Variants in ARHGAP15 observed in about 807,000 individuals in gnomAD.
ARHGAP15 encodes the protein Rho GTPase activating protein 15.
In ARHGAP15, 51 loss-of-function variants were observed where a neutral mutation model predicts 63.7. The observed-to-expected ratio is 0.80, with a 90% CI of 0.64 to 1.01. The LOEUF (loss-of-function observed/expected upper bound fraction) is 1.01, where lower values mean the gene tolerates loss of function less well. Ranked by LOEUF, ARHGAP15 falls within the 50% of genes least tolerant of loss-of-function variation. The pLI, the probability that ARHGAP15 is intolerant of heterozygous loss-of-function variation, is 0.00. For synonymous variants in ARHGAP15, 191 were observed against 193.8 expected (o/e 0.99, Z 0.12); for missense variants, 560 against 564.6 (o/e 0.99, Z 0.08).
At chr2:143,661,699 A>C (rs988696956) in intron 12 of ARHGAP15, among the ~76,000 whole-genome samples, 20 of 152,184 alleles carry the variant, frequency 1.3e-4, no homozygotes, top group Non-Finnish European at 2.2e-4. Context: ...GACAGTGGGC[A>C]CAGGTCAGTG....
chr2:143,326,903 G>A (rs1684276931), intron 6 of ARHGAP15, among the ~76,000 whole-genome samples: 1 of 152,198 alleles, frequency 6.6e-6, no homozygotes, highest in Admixed American at 6.5e-5. Flanking sequence ...AGTGCTGGAA[G>A]TTCTGGGCCA....
chr2:143,149,982 T>C (rs1689750971), intron 1 of ARHGAP15, among the ~76,000 whole-genome samples: 1 of 152,042 alleles, frequency 6.6e-6, no homozygotes, highest in Admixed American at 6.6e-5. Context: ...CATTTCTTGT[T>C]ACCTTTTCTT....
At chr2:143,628,798 T>TAAA (rs1327854969) in intron 12 of ARHGAP15, among the ~76,000 whole-genome samples, 1 of 152,224 alleles carries the variant, frequency 6.6e-6, no homozygotes, top group Non-Finnish European at 1.5e-5. Flanking sequence ...TGTAAATACT[T>TAAA]AAAATGGTTT....
rs1182116439 is a variant in ARHGAP15 at position 143,562,738 on chromosome 2, C to A, written c.1003+6253C>A. ...TTCAGCTACATTGAGTCAGGGAGCT[C>A]AAAGACTATTGATGAAGCATGTATT... On this transcript the variant is annotated intron_variant, in intron 11 of 13. Coordinates refer to ENST00000295095, the MANE Select transcript of ARHGAP15 (RefSeq NM_018460.4). Among the ~76,000 whole-genome samples the A allele has an allele frequency of 2.6e-5, 4 of 152,094 alleles. No homozygotes were observed. The East Asian group carries it at 7.7e-4, about 29-fold the overall frequency.
At chr2:143,719,702 T>G (rs1684964552) in intron 13 of ARHGAP15, among the ~76,000 whole-genome samples, 1 of 152,206 alleles carries the variant, frequency 6.6e-6, no homozygotes, top group Admixed American at 6.5e-5. Flanking sequence ...TTGAGGCATT[T>G]TACTGCTAGT....
chr2:143,673,758 G>GTGTGTGTGTGTATATA (rs1553520615), intron 12 of ARHGAP15, among the ~76,000 whole-genome samples: 3 of 22,116 alleles, frequency 1.4e-4, no homozygotes, highest in African/African-American at 1.6e-4. Flanking sequence ...GTGTGTGTGT[G>GTGTGTGTGTGTATATA]TATATATATA....
Position 143,624,184 on chromosome 2 carries a change from C to G in ARHGAP15, c.1055C>G (p.Thr352Ser), listed in dbSNP as rs759021554. ...DSQWEDIHVV[T>S]GALKMFFREL... ...CAGTGGGAGGACATCCACGTTGTCA[C>G]CGGAGCACTGAAGATGTTTTTCCGG... is the stretch of plus-strand genomic sequence containing the variant. Residue 352 changes from threonine (T) to serine (S), a missense_variant, in exon 12 of 14, where the codon ACC becomes AGC. Transcript: ENST00000295095. 15 of 1,613,672 alleles carry G rather than the reference C, an allele frequency of 9.3e-6. No homozygotes were observed. In the South Asian group the frequency reaches 1.6e-4, roughly 18 times the overall value.
chr2:143,297,800 C>T (rs962069824), intron 6 of ARHGAP15, among the ~76,000 whole-genome samples: 1 of 151,930 alleles, frequency 6.6e-6, no homozygotes, highest in African/African-American at 2.4e-5. Context: ...GCCAAATATT[C>T]AGCAGAGAGC....
At chr2:143,673,722 TTGTGTGTGTGTGTGTG>T (rs70982878) in intron 12 of ARHGAP15, among the ~76,000 whole-genome samples, 1 of 54,664 alleles carries the variant, frequency 1.8e-5, no homozygotes, top group African/African-American at 4.7e-5. Flanking sequence ...AGGCCTTATA[TTGTGTGTGTGTGTGTG>T]TGTGTGTGTG....
intron 11 of ARHGAP15, among the ~76,000 whole-genome samples, chr2:143,617,503 T>C (rs1023643911): frequency 6.6e-6 from 1 of 152,196 alleles, no homozygotes; most frequent in East Asian, 1.9e-4. Flanking sequence ...TCACATGGTC[T>C]TTCCTCTGTG....
chr2:143,604,915 T>A (rs988178641), intron 11 of ARHGAP15, among the ~76,000 whole-genome samples: 3 of 152,138 alleles, frequency 2.0e-5, no homozygotes, highest in Non-Finnish European at 4.4e-5. Flanking sequence ...GTTTTGTTTT[T>A]GTTTTTGTTT....
Position 143,655,605 on chromosome 2 carries a change from C to G in ARHGAP15, c.1138+31338C>G, listed in dbSNP as rs77345405. ...CCCATAGTAGAGTTGATTTTAGGAG[C>G]AAGGATTTTAGCTTTTGTATATTAC... On this transcript the variant is annotated intron_variant, in intron 12 of 13. Coordinates refer to ENST00000295095, the MANE Select transcript of ARHGAP15 (RefSeq NM_018460.4). 3.6e-3 allele frequency among the ~76,000 whole-genome samples: 541 copies of G among 152,252 alleles called. 4 individuals carry two copies. Among genetic ancestry groups the G allele is most frequent in the African/African-American group, 0.012 (500 of 41,538 alleles).
chr2:143,189,325 T>C (rs1221656706), intron 2 of ARHGAP15, among the ~76,000 whole-genome samples: 2 of 152,184 alleles, frequency 1.3e-5, no homozygotes, highest in Non-Finnish European at 2.9e-5. Flanking sequence ...TCATTTATTG[T>C]ACAGGGCACT....
chr2:143,493,674 C>G (rs1427132389), intron 9 of ARHGAP15, among the ~76,000 whole-genome samples: 2 of 152,138 alleles, frequency 1.3e-5, no homozygotes, highest in Non-Finnish European at 2.9e-5. Context: ...CTTCTAAAGT[C>G]CTTTCAGCCT....
In ARHGAP15 at chr2:143,450,882, T is replaced by C. The variant is rs575212484; in HGVS notation, c.703+13840T>C. On this transcript the variant is annotated intron_variant, in intron 8 of 13. Coordinates refer to ENST00000295095, the MANE Select transcript of ARHGAP15 (RefSeq NM_018460.4). The stretch of plus-strand genomic sequence containing the variant: ...ATCTTTTTCTTGTAACCACTTCTCA[T>C]CTTTGACTTTGAAACCCAACAGTTT... 3.9e-4 allele frequency among the ~76,000 whole-genome samples: 60 copies of C among 152,102 alleles called. No homozygotes were observed. In the South Asian group the frequency reaches 0.012, roughly 30 times the overall value.
intron 2 of ARHGAP15, among the ~76,000 whole-genome samples, chr2:143,170,391 A>G (rs141580781): frequency 5.4e-4 from 82 of 152,272 alleles, no homozygotes; most frequent in Middle Eastern, 3.4e-3. Context: ...TAAGTGAAGC[A>G]GTGCACCTGT....
intron 13 of ARHGAP15, among the ~76,000 whole-genome samples, chr2:143,726,212 A>T (rs2048957): frequency 0.29 from 43,895 of 152,156 alleles, 7,141 homozygotes; most frequent in Non-Finnish European, 0.38. Flanking sequence ...CCAGTTGGAA[A>T]AATTAAGAAC....
chr2:143,175,864 T>A lies in ARHGAP15; in HGVS notation c.165+20209T>A, dbSNP rs555747104. ...ATGGAAAAAGAAAGAGTCAAATCCA[T>A]GTCAGAGAATCAGAAGAGACAGTGG... On this transcript the variant is annotated intron_variant, in intron 2 of 13. Coordinates refer to ENST00000295095, the MANE Select transcript of ARHGAP15 (RefSeq NM_018460.4). 3.2e-4 allele frequency among the ~76,000 whole-genome samples: 48 copies of A among 152,240 alleles called. No individual in the cohort carries two copies. In the South Asian group the frequency reaches 9.1e-3, roughly 29 times the overall value.
Position 143,713,920 on chromosome 2 carries a change from C to T in ARHGAP15, c.1244+10396C>T, listed in dbSNP as rs369292609. Among the ~76,000 whole-genome samples the T allele has an allele frequency of 9.2e-5, 14 of 152,288 alleles. No homozygotes were observed. In the South Asian group the frequency reaches 2.7e-3, roughly 29 times the overall value. On this transcript the variant is annotated intron_variant, in intron 13 of 13. Transcript: ENST00000295095. ...CCTGGCTGCTTTCATAGGCTGGCAT[C>T]GAGTGTCTGCAGCTTTTCTAGACAG...
Sources: gnomAD v4.1 joint callset for allele counts (sites outside exome capture counted in the v4.1 genomes callset) on GRCh38, gnomAD v4.1.1 for gene constraint, MANE v1.5 for transcripts, NCBI Gene and HGNC (gene_info 2026-07-23, HGNC 2026-07-21) for gene names.